Variants in CACNA1A observed in about 807,000 individuals in gnomAD.
CACNA1A encodes the protein voltage-dependent P/Q-type calcium channel subunit alpha-1A.
Under a neutral mutation model 262.4 loss-of-function variants are expected in CACNA1A, and 57 were observed. The observed-to-expected ratio is 0.22, with a 90% CI of 0.18 to 0.27. The LOEUF is 0.27. CACNA1A is among the 10% of genes least tolerant of loss of function. The pLI, the probability that CACNA1A is intolerant of heterozygous loss-of-function variation, is 1.00. For missense variants in CACNA1A, 2,526 were observed against 3,562.8 expected (o/e 0.71, Z 7.41); for synonymous variants, 1,431 against 1,419.3 (o/e 1.01, Z -0.18).
chr19:13,469,458 CTCTTTTT>C (rs1380571304), intron 1 of CACNA1A, among the ~76,000 whole-genome samples: 1 of 133,708 alleles, frequency 7.5e-6, no homozygotes, highest in Non-Finnish European at 1.6e-5. Context: ...CTTGAACCAC[CTCTTTTT>C]TTTTTTTTTT....
chr19:13,344,207 C>G (rs1434266763), intron 6 of CACNA1A, among the ~76,000 whole-genome samples: 1 of 122,946 alleles, frequency 8.1e-6, no homozygotes, highest in Non-Finnish European at 1.6e-5. Context: ...CAGTGAGACT[C>G]TGTCTCAAAA....
rs781300443 is a variant in CACNA1A, at chr19:13,286,621, G to T, written c.3435C>A (p.Ile1145=). The change falls in exon 20 of 47, where the codon ATC becomes ATA. Residue 1145 remains isoleucine (I), a synonymous_variant. Transcript: ENST00000360228. ...GPPKTPENSL[I]VTNPSGTQTN... is the part of the protein sequence containing the mutation. ...TCTGGGTGCCGCTGGGGTTGGTGAC[G>T]ATAAGGCTATTCTCGGGGGTCTTGG... 2 of 1,534,612 alleles carry T rather than the reference G, an allele frequency of 1.3e-6. No individual in the cohort carries two copies. The highest frequency in any genetic ancestry group is 8.8e-7 in the Non-Finnish European group (1 of 1,142,024).
intron 6 of CACNA1A, among the ~76,000 whole-genome samples, chr19:13,351,938 G>C (rs2058918707): frequency 6.6e-6 from 1 of 152,108 alleles, no homozygotes; most frequent in African/African-American, 2.4e-5. Flanking sequence ...AGCCACCAAG[G>C]CTGGCCATTT....
intron 15 of CACNA1A, chr19:13,307,298 GA>G (rs2057925359): frequency 6.5e-6 from 1 of 152,930 alleles, no homozygotes; most frequent in Admixed American, 6.5e-5. Flanking sequence ...GCAGTGGCGC[GA>G]TCTTGGCTCA....
Position 13,212,308 on chromosome 19 carries a change from T to TG in CACNA1A, c.6189+75dup, listed in dbSNP as rs763669992. The TG allele has an allele frequency of 1.5e-3, 2,310 of 1,532,454 alleles. 8 individuals carry two copies. Among genetic ancestry groups the TG allele is most frequent in the South Asian group, 1.6e-3 (142 of 87,356 alleles). The allele number at this position is 1,532,454 out of a possible 1,614,324, so 94.9% of individuals were successfully genotyped here. On this transcript the variant is annotated intron_variant, in intron 42 of 46. Coordinates refer to ENST00000360228, the MANE Select transcript of CACNA1A (RefSeq NM_001127222.2). The surrounding 1 kb of genome is among the most constrained non-coding windows in gnomAD (Gnocchi z 5.6). ...AGGGAGGGAGCTGCAGGTGTGTGTG[T>TG]GTGGGGGGCCCAGATCCCTTCCACC...
chr19:13,436,893 T>C (rs958898975), intron 3 of CACNA1A, among the ~76,000 whole-genome samples: 6 of 152,252 alleles, frequency 3.9e-5, no homozygotes, highest in Admixed American at 3.9e-4. Flanking sequence ...TTTGGCACCT[T>C]GGCCCCTCTT....
At chr19:13,265,488 G>C (rs1390104731) in intron 24 of CACNA1A, among the ~76,000 whole-genome samples, 1 of 152,170 alleles carries the variant, frequency 6.6e-6, no homozygotes, top group Non-Finnish European at 1.5e-5. Context: ...CCAGGATTCA[G>C]AACTCTGAAC....
At chr19:13,224,886 G>A (rs969099216) in intron 37 of CACNA1A, 114 bp from the exon 38 acceptor site, 25 of 695,394 alleles carry the variant, frequency 3.6e-5, no homozygotes, top group South Asian at 2.5e-4. Context: ...AAGCTGTGGC[G>A]GCTGAGGTGT....
rs1158048608 is a variant in CACNA1A at position 13,230,074 on chromosome 19, C to A, written c.5528+8G>T. On this transcript the variant is annotated splice_region_variant and intron_variant, in intron 36 of 46. Coordinates refer to ENST00000360228, the MANE Select transcript of CACNA1A (RefSeq NM_001127222.2). ...ATTGTGGCTGGAGGATTCGGGGTGA[C>A]TTCTTACCAAGCTGCGGGGTCATAC... The A allele has an allele frequency of 6.2e-7, 1 of 1,612,508 alleles. No homozygotes were observed. The highest frequency in any genetic ancestry group is 1.1e-5 in the South Asian group (1 of 90,964).
intron 3 of CACNA1A, among the ~76,000 whole-genome samples, chr19:13,413,518 G>T (rs2060153513): frequency 7.2e-6 from 1 of 138,700 alleles, no homozygotes; most frequent in Non-Finnish European, 1.5e-5. Context: ...GCTGCAGAAA[G>T]TGATTATAGT....
chr19:13,414,824 G>A (rs1265051859), intron 3 of CACNA1A, among the ~76,000 whole-genome samples: 1 of 152,008 alleles, frequency 6.6e-6, no homozygotes, highest in African/African-American at 2.4e-5. Context: ...TTGCCCGGGT[G>A]TGGTGGCGTG....
rs138275941 is a variant in CACNA1A at position 13,229,487 on chromosome 19, G to A, written c.5528+595C>T. Reference sequence around the variant, plus strand: ...AACCCACCCTCTGAAACCATTGCCCGTCAGTGGAGAGGGACCCCTCTGGTG... The same window carrying A: ...AACCCACCCTCTGAAACCATTGCCCATCAGTGGAGAGGGACCCCTCTGGTG... On this transcript the variant is annotated intron_variant, in intron 36 of 46. Coordinates refer to ENST00000360228, the MANE Select transcript of CACNA1A (RefSeq NM_001127222.2). 1.4e-3 allele frequency among the ~76,000 whole-genome samples: 212 copies of A among 152,302 alleles called. 1 individual carries two copies. Among genetic ancestry groups the A allele is most frequent in the African/African-American group, 4.9e-3 (202 of 41,574 alleles).
At chr19:13,246,997 C>T (rs1225332711) in intron 30 of CACNA1A, among the ~76,000 whole-genome samples, 3 of 152,222 alleles carry the variant, frequency 2.0e-5, no homozygotes, top group East Asian at 1.9e-4. Context: ...CCCACAAGGT[C>T]TCCTGCTATC....
intron 38 of CACNA1A, among the ~76,000 whole-genome samples, chr19:13,217,232 G>A (rs948852787): frequency 6.8e-4 from 39 of 57,052 alleles, no homozygotes; most frequent in African/African-American, 3.3e-3. Flanking sequence ...AGATGGACAG[G>A]GAAGAGAGAG....
intron 3 of CACNA1A, among the ~76,000 whole-genome samples, chr19:13,378,839 T>C (rs1375314212): frequency 6.6e-6 from 1 of 151,832 alleles, no homozygotes; most frequent in Non-Finnish European, 1.5e-5. Flanking sequence ...GGCTATTTTT[T>C]TGTATTTTTC....
rs1309534312 is a variant in CACNA1A at position 13,455,159 on chromosome 19, G to A, written c.347C>T (p.Ala116Val). 6.2e-7 allele frequency: 1 copy of A among 1,612,870 alleles called. No individual in the cohort carries two copies. ...ATIIANCIVL[A>V]LEQHLPDDDK... ...ATCATCAGGCAGATGCTGCTCCAGT[G>A]CGAGGACGATGCAATTCGCTATGAT... The change falls in exon 2 of 47, where the codon GCA becomes GTA. Residue 116 changes from alanine to valine, a missense_variant. Ala to Val is a moderately conservative substitution (Grantham distance 64). Transcript: ENST00000360228.
At chr19:13,276,449 A>T (rs1343584336) in intron 23 of CACNA1A, among the ~76,000 whole-genome samples, 1 of 151,428 alleles carries the variant, frequency 6.6e-6, no homozygotes. Flanking sequence ...TGCTCAGAAC[A>T]CTCTATGGCC....
intron 43 of CACNA1A, chr19:13,211,063 C>A: frequency 4.4e-6 from 1 of 228,530 alleles, no homozygotes; most frequent in Non-Finnish European, 8.9e-6. Context: ...GGGCTTGTCC[C>A]AACCCTCTCC....
chr19:13,387,736 T>A (rs1763055078), intron 3 of CACNA1A, among the ~76,000 whole-genome samples: 1 of 151,984 alleles, frequency 6.6e-6, no homozygotes, highest in African/African-American at 2.4e-5. Flanking sequence ...TGAAGAGAAG[T>A]GAGGTTACCA....
Sources: allele counts gnomAD v4.1 joint callset (sites outside exome capture counted in the v4.1 genomes callset), GRCh38; gene constraint gnomAD v4.1.1; non-coding constraint Gnocchi (gnomAD v3.1); transcripts MANE v1.5; gene names NCBI Gene and HGNC (gene_info 2026-07-23, HGNC 2026-07-21).